NLRP1: variants seen among roughly 807,000 people sequenced by gnomAD.
The protein encoded by NLRP1 is NACHT, LRR and PYD domains-containing protein 1.
A neutral mutation model predicts 136.7 loss-of-function variants in NLRP1; 94 were observed. That is an observed-to-expected ratio of 0.69 (90% CI 0.58 to 0.82). NLRP1 has a LOEUF of 0.82. Among genes scored for constraint, NLRP1 ranks in the 40% least tolerant of loss-of-function variants. The pLI is 0.00. For missense variants in NLRP1, 1,575 were observed against 1,802.7 expected, an observed-to-expected ratio of 0.87 and a Z score of 2.29; for synonymous variants, 690 against 725.1, an observed-to-expected ratio of 0.95 and a Z score of 0.78.
At chr17:5,571,338 T>C (rs1423757390) in intron 3 of NLRP1, among the ~76,000 whole-genome samples, 1 of 152,226 alleles carries the variant, frequency 6.6e-6, no homozygotes, top group African/African-American at 2.4e-5. Context: ...GCAGATGTTA[T>C]GATTTTATAC....
At chr17:5,578,761 G>A (rs1277452212) in intron 3 of NLRP1, among the ~76,000 whole-genome samples, 1 of 152,158 alleles carries the variant, frequency 6.6e-6, no homozygotes, top group Non-Finnish European at 1.5e-5. Flanking sequence ...CCATTACTGG[G>A]TATATACCCA....
chr17:5,567,049 G>A (rs1915416608), intron 3 of NLRP1, among the ~76,000 whole-genome samples: 1 of 151,986 alleles, frequency 6.6e-6, no homozygotes, highest in South Asian at 2.1e-4. Flanking sequence ...TTCTGTTTAT[G>A]TGTGTCTTTA....
chr17:5,536,526 C>A (rs1218019726), intron 8 of NLRP1, among the ~76,000 whole-genome samples: 1 of 149,920 alleles, frequency 6.7e-6, no homozygotes, highest in African/African-American at 2.5e-5. Flanking sequence ...TCTTGGCTCG[C>A]TGCAGCCTCC....
chr17:5,549,279 T>C (rs920465822), intron 5 of NLRP1, among the ~76,000 whole-genome samples: 47 of 137,952 alleles, frequency 3.4e-4, no homozygotes, highest in African/African-American at 1.1e-3. Context: ...AATCATTAGT[T>C]TTTTTTTTTT....
chr17:5,521,484 C>G, intron 13 of NLRP1, 40 bp downstream of exon 13: 1 of 1,594,180 alleles, frequency 6.3e-7, no homozygotes, highest in African/African-American at 1.3e-5. Flanking sequence ...TGTTTACCGT[C>G]AACCCACCGT....
In NLRP1 at chr17:5,534,297, A is replaced by C. The variant is rs149320353; in HGVS notation, c.2961-309T>G. Among the ~76,000 whole-genome samples, 543 of 152,300 alleles carry C rather than the reference A, an allele frequency of 3.6e-3. 15 individuals carry two copies. In the East Asian group the frequency reaches 0.083, roughly 23 times the overall value. ...AGTGGGAGGATCACTTGAGCCCAGG[A>C]GGCAGAGGTTGCAGTGAGCTGAGAT... On this transcript the variant is annotated intron_variant, in intron 8 of 16. Coordinates refer to ENST00000572272, the MANE Select transcript of NLRP1 (RefSeq NM_033004.4).
At position 5,582,680 on chromosome 17, in the gene NLRP1, G is replaced by T. The variant is rs199475700; in HGVS notation, c.438C>A (p.Arg146=). The change falls in exon 2 of 17, where the codon CGC becomes CGA. Residue 146 remains arginine, a synonymous_variant. Transcript: ENST00000572272. ...VLRQLPDTSG[R]RWREISASLL... is the part of the protein sequence containing the mutation. ...CTCAGCAAGCCTCACCTCTCCAGCG[G>T]CGTCCAGATGTGTCAGGCAGCTGTC... The T allele has an allele frequency of 8.1e-6, 13 of 1,614,050 alleles. No homozygotes were observed. The highest frequency in any genetic ancestry group is 1.6e-4 in the Middle Eastern group (1 of 6,062).
intron 14 of NLRP1, 30 bp downstream of exon 14, chr17:5,520,851 C>A: frequency 6.6e-7 from 1 of 1,523,560 alleles, no homozygotes; most frequent in South Asian, 1.3e-5. Context: ...CTTCTGTTCG[C>A]AGTGAAGAGG....
intron 3 of NLRP1, among the ~76,000 whole-genome samples, chr17:5,570,198 T>C (rs1915726837): frequency 6.6e-6 from 1 of 151,506 alleles, no homozygotes; most frequent in East Asian, 1.9e-4. Context: ...AATAGAAGAA[T>C]TAGAAAAACA....
At chr17:5,552,167 C>T (rs1243047980) in intron 5 of NLRP1, among the ~76,000 whole-genome samples, 1 of 141,126 alleles carries the variant, frequency 7.1e-6, no homozygotes, top group Non-Finnish European at 1.5e-5. Flanking sequence ...GCATTAGCTG[C>T]ATCCAATACA....
intron 3 of NLRP1, among the ~76,000 whole-genome samples, chr17:5,571,325 T>C (rs1904327990): frequency 6.6e-6 from 1 of 152,198 alleles, no homozygotes; most frequent in Non-Finnish European, 1.5e-5. Context: ...AGTATCTCTG[T>C]TTGCAGATGT....
chr17:5,521,113 G>A (rs1908846366), intron 13 of NLRP1, 101 bp from the exon 14 acceptor site: 9 of 1,227,712 alleles, frequency 7.3e-6, no homozygotes, highest in Non-Finnish European at 1.0e-5. Context: ...TGGACAGAGT[G>A]GGGCTATATC....
rs145933409 is a variant in NLRP1 at position 5,545,250 on chromosome 17, T to C, written c.2529-3223A>G. ...TCGTATCCAGGAGTTTGAGGCTGCA[T>C]TGAGTCATGATCACACCACTGCACT... is the stretch of plus-strand genomic sequence containing the variant. On this transcript the variant is annotated intron_variant, in intron 5 of 16. Coordinates refer to ENST00000572272, the MANE Select transcript of NLRP1 (RefSeq NM_033004.4). Among the ~76,000 whole-genome samples, 31 of 151,976 alleles carry C rather than the reference T, an allele frequency of 2.0e-4. No homozygotes were observed. In the East Asian group the frequency reaches 3.9e-3, roughly 19 times the overall value.
chr17:5,513,276 TA>T (rs1907756772), downstream of NLRP1, among the ~76,000 whole-genome samples: 1 of 152,204 alleles, frequency 6.6e-6, no homozygotes, highest in Non-Finnish European at 1.5e-5. Context: ...CTTATTTTTT[TA>T]AAGAGACAAA....
At chr17:5,511,714 G>A (rs529347172), downstream of NLRP1, among the ~76,000 whole-genome samples, 3 of 148,218 alleles carry the variant, frequency 2.0e-5, no homozygotes, top group Non-Finnish European at 4.5e-5. Context: ...GCCCCTCCTC[G>A]CGTAGGTCCT....
rs752068005 is a variant in NLRP1 at position 5,541,741 on chromosome 17, T to C, written c.2699+116A>G. ...CCTCTACTGCCTGGCTGAGATCCTG[T>C]AGGCTCCTCCCACTCCCACAAAGCA... On this transcript the variant is annotated intron_variant, in intron 6 of 16. Coordinates refer to ENST00000572272, the MANE Select transcript of NLRP1 (RefSeq NM_033004.4). The surrounding 1 kb of genome is among the most constrained non-coding windows in gnomAD (Gnocchi z 4.2). 8 of 1,040,756 alleles carry C rather than the reference T, an allele frequency of 7.7e-6. No homozygotes were observed. Among genetic ancestry groups the C allele is most frequent in the Admixed American group, 2.1e-5 (1 of 48,038 alleles). The allele number at this position is 1,040,756 out of a possible 1,614,324, so 64.5% of individuals were successfully genotyped here.
At chr17:5,574,166 G>A (rs1216375095) in intron 3 of NLRP1, among the ~76,000 whole-genome samples, 1 of 152,242 alleles carries the variant, frequency 6.6e-6, no homozygotes, top group African/African-American at 2.4e-5. Flanking sequence ...GAATGCACAA[G>A]CTTCAGTAGC....
At chr17:5,532,679 T>C (rs1328114012) in intron 11 of NLRP1, 143 bp downstream of exon 11, 4 of 602,530 alleles carry the variant, frequency 6.6e-6, no homozygotes, top group Non-Finnish European at 1.1e-5. Context: ...GCCCTGTCTC[T>C]GCCTGTTGTC....
chr17:5,501,917 G>C lies in NLRP1; in HGVS notation c.4070-45C>G, dbSNP rs1359702737. On this transcript the variant is annotated intron_variant, in intron 15 of 15. Coordinates refer to the NLRP1 transcript ENST00000262467. ...ATCACTTGGATTTATTTGAGTCCCAGTAGATTGGAGAGGTCCACTGGCCGG... is the reference window on the plus strand; with the variant it reads ...ATCACTTGGATTTATTTGAGTCCCACTAGATTGGAGAGGTCCACTGGCCGG... 4 of 1,559,314 alleles carry C rather than the reference G, an allele frequency of 2.6e-6. No homozygotes were observed. In the South Asian group the frequency reaches 3.3e-5, roughly 13 times the overall value.
Sources: allele counts gnomAD v4.1 joint callset (sites outside exome capture counted in the v4.1 genomes callset), GRCh38; gene constraint gnomAD v4.1.1; non-coding constraint Gnocchi (gnomAD v3.1); transcripts MANE v1.5; gene names NCBI Gene and HGNC (gene_info 2026-07-23, HGNC 2026-07-21).